DCC: variants seen among roughly 807,000 people sequenced by gnomAD.
DCC encodes the protein DCC netrin 1 receptor.
Under a neutral mutation model 172.5 loss-of-function variants are expected in DCC, and 58 were observed. The observed-to-expected ratio is 0.34, with a 90% CI of 0.27 to 0.42. The LOEUF is 0.42. DCC is among the 10% of genes least tolerant of loss of function. The probability of loss-of-function intolerance (pLI) is 1.00; values close to 1 mark genes in which losing one functional copy is unlikely to be tolerated. For missense variants in DCC, 1,740 were observed against 1,791.0 expected (o/e 0.97, Z 0.51); for synonymous variants, 709 against 644.5 (o/e 1.10, Z -1.52).
chr18:52,422,821 A>G (rs1987294940), intron 1 of DCC, among the ~76,000 whole-genome samples: 1 of 152,174 alleles, frequency 6.6e-6, no homozygotes, highest in Non-Finnish European at 1.5e-5. Context: ...AGTGAACCCA[A>G]AGAAGGGTGC....
At chr18:53,223,556 C>G (rs1225181796) in intron 12 of DCC, among the ~76,000 whole-genome samples, 1 of 151,976 alleles carries the variant, frequency 6.6e-6, no homozygotes, top group Non-Finnish European at 1.5e-5. Context: ...GAACCTAGGT[C>G]TAGTGATAAG....
intron 15 of DCC, among the ~76,000 whole-genome samples, chr18:53,381,972 A>G (rs1389794848): frequency 1.3e-5 from 2 of 151,816 alleles, no homozygotes; most frequent in Non-Finnish European, 2.9e-5. Flanking sequence ...CTTTAGATCA[A>G]TCATATACTT....
At chr18:53,025,392 T>C (rs1284340689) in intron 5 of DCC, among the ~76,000 whole-genome samples, 1 of 152,004 alleles carries the variant, frequency 6.6e-6, no homozygotes, top group East Asian at 1.9e-4. Flanking sequence ...GGAAGAGAGA[T>C]GAATGGGTAT....
At chr18:53,179,556 A>T (rs978760113) in intron 9 of DCC, among the ~76,000 whole-genome samples, 6 of 152,250 alleles carry the variant, frequency 3.9e-5, no homozygotes, top group African/African-American at 1.4e-4. Context: ...CACCGCATGC[A>T]CTGAAAAACC....
chr18:53,254,316 A>G (rs1015934748), intron 12 of DCC, among the ~76,000 whole-genome samples: 4 of 152,028 alleles, frequency 2.6e-5, no homozygotes, highest in African/African-American at 7.2e-5. Context: ...AGATTCGCCT[A>G]TTACTAAAGT....
chr18:52,946,137 T>TTTTAA (rs1431320116), intron 5 of DCC, among the ~76,000 whole-genome samples: 2 of 152,190 alleles, frequency 1.3e-5, no homozygotes, highest in Non-Finnish European at 2.9e-5. Context: ...GTTTAACAAC[T>TTTTAA]TTTAAACTCT....
intron 1 of DCC, among the ~76,000 whole-genome samples, chr18:52,548,767 C>T (rs1480500138): frequency 6.6e-6 from 1 of 152,008 alleles, no homozygotes; most frequent in African/African-American, 2.4e-5. Context: ...TATTTGGGGT[C>T]TCAAATTCTG....
At chr18:53,371,460 C>G (rs1437103077) in intron 15 of DCC, among the ~76,000 whole-genome samples, 1 of 151,824 alleles carries the variant, frequency 6.6e-6, no homozygotes, top group Non-Finnish European at 1.5e-5. Context: ...GTCAGAGGAA[C>G]AGTTATTCTC....
chr18:52,705,983 A>G (rs2036203324), intron 1 of DCC, among the ~76,000 whole-genome samples: 1 of 152,192 alleles, frequency 6.6e-6, no homozygotes, highest in African/African-American at 2.4e-5. Flanking sequence ...CACCTGGGCA[A>G]TCTGTGGATA....
At chr18:53,498,108 G>C (rs192579125) in intron 26 of DCC, among the ~76,000 whole-genome samples, 1 of 152,314 alleles carries the variant, frequency 6.6e-6, no homozygotes, top group African/African-American at 2.4e-5. Flanking sequence ...AATGAGTATA[G>C]ATACCCTCTG....
intron 2 of DCC, among the ~76,000 whole-genome samples, chr18:52,789,534 T>C (rs1214501861): frequency 2.0e-5 from 3 of 152,196 alleles, no homozygotes. Flanking sequence ...TTAAATCTCT[T>C]GTTACTCAAC....
chr18:52,746,414 A>C (rs369061054), intron 1 of DCC, among the ~76,000 whole-genome samples: 1 of 152,158 alleles, frequency 6.6e-6, no homozygotes, highest in Non-Finnish European at 1.5e-5. Flanking sequence ...ACTTCTTATA[A>C]ATTTCATTTT....
intron 7 of DCC, among the ~76,000 whole-genome samples, chr18:53,153,513 C>T (rs766831099): frequency 2.0e-5 from 3 of 152,120 alleles, no homozygotes; most frequent in Non-Finnish European, 4.4e-5. Flanking sequence ...GAGATATTCA[C>T]CTTCTTTAAA....
At chr18:53,486,028 C>T (rs866967400) in intron 25 of DCC, among the ~76,000 whole-genome samples, 2 of 151,808 alleles carry the variant, frequency 1.3e-5, no homozygotes, top group Non-Finnish European at 2.9e-5. Context: ...ATAGGGAATG[C>T]TAAACATTTT....
intron 1 of DCC, among the ~76,000 whole-genome samples, chr18:52,375,446 C>T (rs1396553778): frequency 1.3e-5 from 2 of 152,116 alleles, no homozygotes; most frequent in Admixed American, 1.3e-4. Context: ...TCTTTGGAGA[C>T]ACTAATCATA....
intron 27 of DCC, among the ~76,000 whole-genome samples, chr18:53,522,506 T>A (rs913065657): frequency 2.0e-5 from 3 of 152,158 alleles, no homozygotes; most frequent in African/African-American, 7.2e-5. Flanking sequence ...TCATGCTACC[T>A]GACTGCAAAC....
chr18:52,670,939 A>G (rs989748733), intron 1 of DCC, among the ~76,000 whole-genome samples: 19 of 152,140 alleles, frequency 1.2e-4, no homozygotes, highest in Admixed American at 1.0e-3. Flanking sequence ...TTGACTCTCT[A>G]TGTAAAATAC....
chr18:52,914,745 T>C (rs895036327), intron 3 of DCC, among the ~76,000 whole-genome samples: 4 of 152,090 alleles, frequency 2.6e-5, no homozygotes, highest in African/African-American at 4.8e-5. Context: ...CTGCTGAATA[T>C]TCTAAAACAG....
chr18:53,526,625 C>T lies in DCC; in HGVS notation c.4120C>T (p.Leu1374Phe), dbSNP rs2046458722. Reference sequence around the variant, plus strand: ...TGTGTTTTCTATTTCAGGGCCCACTCTTCCTAAGACCCATGTGAAAACAGC... The same window carrying T: ...TGTGTTTTCTATTTCAGGGCCCACTTTTCCTAAGACCCATGTGAAAACAGC... Reference protein sequence around the residue: ...TPLLSQPGPTLPKTHVKTASL... With the variant: ...TPLLSQPGPTFPKTHVKTASL... Residue 1374 changes from leucine to phenylalanine, a missense_variant, in exon 28 of 29, where the codon CTT (leucine) becomes TTT (phenylalanine). This residue lies in a region of DCC where 1,732 missense variants were observed against 1,767.4 expected (regional missense o/e 0.98). Transcript: ENST00000442544. 6.2e-7 allele frequency: 1 copy of T among 1,613,460 alleles called. No homozygotes were observed. Among genetic ancestry groups the T allele is most frequent in the Non-Finnish European group, 8.5e-7 (1 of 1,179,584 alleles).
Sources: allele counts gnomAD v4.1 joint callset (sites outside exome capture counted in the v4.1 genomes callset), GRCh38; gene constraint gnomAD v4.1.1; regional missense constraint gnomAD v4.1.1; transcripts MANE v1.5; gene names NCBI Gene and HGNC (gene_info 2026-07-23, HGNC 2026-07-21).